Variants in PPP2R1B observed in about 807,000 individuals in gnomAD.
PPP2R1B encodes serine/threonine-protein phosphatase 2A 65 kDa regulatory subunit A beta isoform.
In PPP2R1B, 58 loss-of-function variants were observed where a neutral mutation model predicts 72.7. The ratio of observed to expected loss-of-function variants is 0.80; its 90% confidence interval spans 0.65 to 0.99. The LOEUF is 0.99. Among genes scored for constraint, PPP2R1B ranks in the 50% least tolerant of loss-of-function variants. The pLI is 0.00. For missense variants in PPP2R1B, 695 were observed against 733.6 expected, an observed-to-expected ratio of 0.95 and a Z score of 0.61; for synonymous variants, 256 against 264.6, an observed-to-expected ratio of 0.97 and a Z score of 0.32.
At chr11:111,701,689 A>C in the PPP2R1B span, 1 of 1,342,872 alleles carries the variant, frequency 7.4e-7, no homozygotes, top group Non-Finnish European at 1.0e-6. The surrounding 1 kb of genome is among the most constrained non-coding windows in gnomAD (Gnocchi z 4.2). Flanking sequence ...AAAGTGACTG[A>C]GCTGTAGGTT....
chr11:111,743,879 G>A (rs571662711), intron 11 of PPP2R1B, among the ~76,000 whole-genome samples: 61 of 152,366 alleles, frequency 4.0e-4, no homozygotes, highest in Non-Finnish European at 7.9e-4. Context: ...GTCACATGGT[G>A]TAAGAGCAAT....
intron 15 of PPP2R1B, among the ~76,000 whole-genome samples, chr11:111,732,081 A>C (rs1944211121): frequency 6.6e-6 from 1 of 152,194 alleles, no homozygotes; most frequent in Non-Finnish European, 1.5e-5. Flanking sequence ...CCCCAAACCC[A>C]GGGCCTCTGC....
intron 5 of PPP2R1B, among the ~76,000 whole-genome samples, chr11:111,757,242 A>C (rs1374145917): frequency 6.6e-6 from 1 of 152,240 alleles, no homozygotes; most frequent in Non-Finnish European, 1.5e-5. Context: ...CAGGAGAAAT[A>C]GGTAAAAAAT....
At chr11:111,721,985 A>T, downstream of PPP2R1B, 7 of 1,438,478 alleles carry the variant, frequency 4.9e-6, no homozygotes, top group Non-Finnish European at 6.6e-6. Context: ...GCTCATCCAG[A>T]ATCTGTTCTT....
chr11:111,720,024 T>C, the PPP2R1B span: 1 of 1,599,512 alleles, frequency 6.3e-7, no homozygotes, highest in Non-Finnish European at 8.5e-7. Context: ...GGAGCGACAC[T>C]AGCTTGAGTC....
chr11:111,742,584 C>T lies in PPP2R1B; in HGVS notation c.1636G>A (p.Ala546Thr). ...TTGGCCACATTGAAGCGAACATTTG[C>T]TACTTGGTCTCCTGCCATTTTTAAT... is the stretch of plus-strand genomic sequence containing the variant. ...IVLKMAGDQV[A>T]NVRFNVAKSL... Residue 546 changes from alanine to threonine, a missense_variant, in exon 13 of 15, where the codon GCA becomes ACA. Ala to Thr is a moderately conservative substitution (Grantham distance 58). Transcript: ENST00000527614. 6.2e-7 allele frequency: 1 copy of T among 1,613,866 alleles called. No individual in the cohort carries two copies. Among genetic ancestry groups the T allele is most frequent in the South Asian group, 1.1e-5 (1 of 91,078 alleles).
intron 15 of PPP2R1B, chr11:111,730,367 G>T (rs963981279): frequency 6.6e-6 from 1 of 152,190 alleles, no homozygotes; most frequent in Non-Finnish European, 1.5e-5. Context: ...AGAGAAACCT[G>T]CCTTCACCAA....
the PPP2R1B span, chr11:111,700,734 C>A: frequency 1.0e-5 from 9 of 873,802 alleles, no homozygotes; most frequent in Non-Finnish European, 1.5e-5. Context: ...TGTGCTAATG[C>A]CAGGGAAACA....
intron 4 of PPP2R1B, among the ~76,000 whole-genome samples, chr11:111,760,186 G>A (rs1220351339): frequency 1.3e-5 from 2 of 152,184 alleles, no homozygotes; most frequent in African/African-American, 4.8e-5. Context: ...CCAGGTAGGA[G>A]GACTGCTTGA....
the PPP2R1B span, chr11:111,720,010 T>C: frequency 4.1e-5 from 66 of 1,609,842 alleles, no homozygotes; most frequent in Admixed American, 6.2e-4. Flanking sequence ...GCAGGTACGG[T>C]AGAGGAGCGA....
At chr11:111,742,366 G>T (rs1425304236) in intron 13 of PPP2R1B, 157 bp downstream of exon 13, 45 of 856,402 alleles carry the variant, frequency 5.3e-5, no homozygotes, top group Non-Finnish European at 7.1e-5. Flanking sequence ...AGTCATAGTG[G>T]ACATCCTCAA....
rs782268089 is a variant in PPP2R1B at position 111,755,015 on chromosome 11, G to C, written c.923C>G (p.Ala308Gly). The change falls in exon 7 of 15, where the codon GCT (alanine) becomes GGT (glycine). Residue 308 changes from alanine to glycine, a missense_variant. Physicochemically the swap from Ala to Gly is moderately conservative, Grantham distance 60 (BLOSUM62 0). Transcript: ENST00000527614. ...GTGGGCAGCAGCTGCCCGGACTTCAGCTTCACAGTCTTTAAGTAGGTTCTG... is the reference window on the plus strand; with the variant it reads ...GTGGGCAGCAGCTGCCCGGACTTCACCTTCACAGTCTTTAAGTAGGTTCTG... ...AFQNLLKDCE[A>G]EVRAAAAHKV... 1.9e-6 allele frequency: 3 copies of C among 1,613,986 alleles called. No homozygotes were observed. In the Admixed American group the frequency reaches 5.0e-5, roughly 27 times the overall value.
chr11:111,721,923 C>T (rs1943814553), downstream of PPP2R1B: 3 of 1,607,790 alleles, frequency 1.9e-6, no homozygotes, highest in Non-Finnish European at 1.7e-6. Context: ...GACCCAGTAC[C>T]TGCAGCACAG....
At chr11:111,737,413 G>C (rs1944369946), downstream of PPP2R1B, 1 of 1,614,054 alleles carries the variant, frequency 6.2e-7, no homozygotes, top group Non-Finnish European at 8.5e-7. Context: ...GCAGCCCTGA[G>C]GGCAGGACTT....
At chr11:111,746,135 A>G (rs1253288361) in intron 11 of PPP2R1B, among the ~76,000 whole-genome samples, 1 of 152,254 alleles carries the variant, frequency 6.6e-6, no homozygotes, top group Non-Finnish European at 1.5e-5. Context: ...GTGGAATATT[A>G]GAACTTTAAA....
the PPP2R1B span, chr11:111,720,622 G>T: frequency 4.3e-6 from 7 of 1,613,874 alleles, no homozygotes; most frequent in Non-Finnish European, 4.2e-6. Context: ...CCTTCACCCC[G>T]CATGACATCT....
the PPP2R1B span, chr11:111,719,851 T>G: frequency 2.5e-6 from 4 of 1,614,116 alleles, no homozygotes; most frequent in Non-Finnish European, 3.4e-6. Context: ...AGCAACATGA[T>G]GGAGACCTCC....
chr11:111,722,838 C>A, downstream of PPP2R1B: 2 of 1,267,476 alleles, frequency 1.6e-6, no homozygotes, highest in East Asian at 2.3e-5. The surrounding 1 kb of genome is among the most constrained non-coding windows in gnomAD (Gnocchi z 4.4). Context: ...CTTTTCCTCT[C>A]ACATTCGCCA....
chr11:111,719,634 T>G, the PPP2R1B span: 1 of 829,758 alleles, frequency 1.2e-6, no homozygotes, highest in Non-Finnish European at 1.9e-6. Context: ...AATCTATGTG[T>G]TGTCATGCAT....
Sources: gnomAD v4.1 joint callset for allele counts (sites outside exome capture counted in the v4.1 genomes callset) on GRCh38, gnomAD v4.1.1 for gene constraint, Gnocchi (gnomAD v3.1) non-coding constraint, MANE v1.5 for transcripts, NCBI Gene and HGNC (gene_info 2026-07-23, HGNC 2026-07-21) for gene names.